Variants in ARHGAP15 observed in about 807,000 individuals in gnomAD.
ARHGAP15 encodes Rho GTPase activating protein 15.
A neutral mutation model predicts 63.7 loss-of-function variants in ARHGAP15; 51 were observed. The ratio of observed to expected loss-of-function variants is 0.80; its 90% CI spans 0.64 to 1.01. The LOEUF is 1.01. Ranked by LOEUF, ARHGAP15 falls within the 50% of genes least tolerant of loss-of-function variation. ARHGAP15 has a pLI of 0.00. For missense variants in ARHGAP15, 560 were observed against 564.6 expected (o/e 0.99, Z 0.08); for synonymous variants, 191 against 193.8 (o/e 0.99, Z 0.12).
chr2:143,339,865 CACTT>C (rs1446357530), intron 6 of ARHGAP15, among the ~76,000 whole-genome samples: 1 of 152,150 alleles, frequency 6.6e-6, no homozygotes, highest in East Asian at 1.9e-4. Flanking sequence ...TCCTGTGTCT[CACTT>C]ACTATGTGAA....
intron 1 of ARHGAP15, among the ~76,000 whole-genome samples, chr2:143,134,686 G>T (rs934439877): frequency 1.4e-5 from 2 of 147,332 alleles, no homozygotes; most frequent in Non-Finnish European, 3.0e-5. Flanking sequence ...CCAAGCTGGA[G>T]TGCAGTGGTG....
At chr2:143,733,902 A>G (rs1685644377) in intron 13 of ARHGAP15, among the ~76,000 whole-genome samples, 1 of 152,206 alleles carries the variant, frequency 6.6e-6, no homozygotes, top group Non-Finnish European at 1.5e-5. Context: ...ATTTTCTTAA[A>G]AAATTATTTA....
chr2:143,624,812 C>A (rs1336648231), intron 12 of ARHGAP15, among the ~76,000 whole-genome samples: 1 of 152,128 alleles, frequency 6.6e-6, no homozygotes, highest in Non-Finnish European at 1.5e-5. Context: ...TGGCAAGTTT[C>A]TTCTGTTAAA....
At chr2:143,172,387 C>T (rs1690822129) in intron 2 of ARHGAP15, among the ~76,000 whole-genome samples, 1 of 152,004 alleles carries the variant, frequency 6.6e-6, no homozygotes, top group African/African-American at 2.4e-5. Flanking sequence ...GATGCACAAT[C>T]AGAGGCCACG....
chr2:143,374,257 G>T (rs1253804397), intron 6 of ARHGAP15, among the ~76,000 whole-genome samples: 3 of 152,076 alleles, frequency 2.0e-5, no homozygotes, highest in African/African-American at 7.2e-5. Flanking sequence ...GAATATTATA[G>T]GTGGATTATG....
rs150380155 is a variant in ARHGAP15 at position 143,441,669 on chromosome 2, A to G, written c.703+4627A>G. Among the ~76,000 whole-genome samples the G allele has an allele frequency of 5.9e-5, 9 of 152,314 alleles. No homozygotes were observed. The East Asian group carries it at 1.7e-3, about 29-fold the overall frequency. ...TATCAATTGCTAAACTGTAAAATCC[A>G]TGAGTGTGGAGACCTTGGATAACTT... is the stretch of plus-strand genomic sequence containing the variant. On this transcript the variant is annotated intron_variant, in intron 8 of 13. Transcript: ENST00000295095.
chr2:143,721,490 G>A (rs1685057119), intron 13 of ARHGAP15, among the ~76,000 whole-genome samples: 1 of 152,188 alleles, frequency 6.6e-6, no homozygotes, highest in Admixed American at 6.5e-5. Context: ...GTAGTGCTGT[G>A]GCAGGGGGAT....
chr2:143,293,753 T>C (rs115512116), intron 6 of ARHGAP15, among the ~76,000 whole-genome samples: 290 of 152,146 alleles, frequency 1.9e-3, no homozygotes, highest in African/African-American at 6.2e-3. Flanking sequence ...TATATATGTT[T>C]TGCAACTATT....
intron 6 of ARHGAP15, among the ~76,000 whole-genome samples, chr2:143,272,461 T>G (rs1681332512): frequency 6.6e-6 from 1 of 151,506 alleles, no homozygotes; most frequent in Admixed American, 6.6e-5. Flanking sequence ...TGAAACCCCA[T>G]CTCTACTAAA....
At chr2:143,525,980 A>G (rs1694255945) in intron 10 of ARHGAP15, among the ~76,000 whole-genome samples, 2 of 152,162 alleles carry the variant, frequency 1.3e-5, no homozygotes, top group African/African-American at 4.8e-5. Context: ...AAACATTGCC[A>G]TCTCTGCCAT....
chr2:143,316,646 G>A (rs1451097587), intron 6 of ARHGAP15, among the ~76,000 whole-genome samples: 2 of 141,186 alleles, frequency 1.4e-5, no homozygotes, highest in South Asian at 2.1e-4. Context: ...ATTTGAATTT[G>A]CATTTGAGTC....
At chr2:143,161,881 G>T (rs1259888813) in intron 2 of ARHGAP15, among the ~76,000 whole-genome samples, 1 of 151,886 alleles carries the variant, frequency 6.6e-6, no homozygotes, top group Non-Finnish European at 1.5e-5. Flanking sequence ...GGCAGAAGAT[G>T]CGGCCGTCTG....
chr2:143,334,397 T>C (rs2105267612), intron 6 of ARHGAP15, among the ~76,000 whole-genome samples: 2 of 152,300 alleles, frequency 1.3e-5, no homozygotes, highest in Middle Eastern at 6.8e-3. Flanking sequence ...CTTACATGAC[T>C]CACAAAGGTA....
intron 6 of ARHGAP15, among the ~76,000 whole-genome samples, chr2:143,261,072 G>C (rs535838602): frequency 3.3e-5 from 5 of 152,232 alleles, no homozygotes; most frequent in South Asian, 2.1e-4. Context: ...GCTATGGTCA[G>C]GATGCCCTAG....
intron 10 of ARHGAP15, among the ~76,000 whole-genome samples, chr2:143,548,301 ATT>A (rs545322737): frequency 5.4e-4 from 82 of 152,192 alleles, no homozygotes; most frequent in African/African-American, 1.9e-3. Context: ...CTTGAAAAGC[ATT>A]CTCCTTTCTG....
intron 10 of ARHGAP15, among the ~76,000 whole-genome samples, chr2:143,545,058 A>T (rs1695270073): frequency 6.6e-6 from 1 of 152,236 alleles, no homozygotes; most frequent in Non-Finnish European, 1.5e-5. Flanking sequence ...CAATAAGCTG[A>T]AAAGAACCAT....
chr2:143,494,236 C>T (rs1190808818), intron 9 of ARHGAP15, among the ~76,000 whole-genome samples: 2 of 152,026 alleles, frequency 1.3e-5, no homozygotes, highest in African/African-American at 4.8e-5. Flanking sequence ...TTGATGGTTT[C>T]ATTCAGTGTT....
chr2:143,727,759 A>G (rs1368072699), intron 13 of ARHGAP15, among the ~76,000 whole-genome samples: 1 of 152,156 alleles, frequency 6.6e-6, no homozygotes, highest in Non-Finnish European at 1.5e-5. Flanking sequence ...ATAAACTGTT[A>G]TATATGCATA....
At chr2:143,351,164 C>T (rs894131003) in intron 6 of ARHGAP15, 18 of 152,092 alleles carry the variant, frequency 1.2e-4, no homozygotes, top group African/African-American at 4.1e-4. Flanking sequence ...AAGTTACGTG[C>T]ATTAATATGA....
Sources: gnomAD v4.1 joint callset for allele counts (sites outside exome capture counted in the v4.1 genomes callset) on GRCh38, gnomAD v4.1.1 for gene constraint, MANE v1.5 for transcripts, NCBI Gene and HGNC (gene_info 2026-07-23, HGNC 2026-07-21) for gene names.